Variants in DEPDC5 observed in about 807,000 individuals in gnomAD.
DEPDC5 encodes the protein DEP domain containing 5, GATOR1 subcomplex subunit.
In DEPDC5, 73 loss-of-function variants were observed where a neutral mutation model predicts 217.3. The ratio of observed to expected loss-of-function variants is 0.34; its 90% confidence interval spans 0.28 to 0.41. The LOEUF (loss-of-function observed/expected upper bound fraction) is 0.41. Among genes scored for constraint, DEPDC5 ranks in the 10% least tolerant of loss-of-function variants. The probability of loss-of-function intolerance (pLI) is 1.00; values close to 1 mark genes in which losing one functional copy is unlikely to be tolerated. For missense variants in DEPDC5, 1,675 were observed against 2,070.1 expected (o/e 0.81, Z 3.70); for synonymous variants, 733 against 756.7 (o/e 0.97, Z 0.51).
chr22:31,762,502 G>A (rs1020508356), intron 4 of DEPDC5, among the ~76,000 whole-genome samples: 13 of 152,152 alleles, frequency 8.5e-5, no homozygotes, highest in Admixed American at 5.2e-4. Flanking sequence ...AGTGGCTGAC[G>A]CCTGTAATCC....
At chr22:31,886,553 A>T (rs2093316627) in intron 38 of DEPDC5, among the ~76,000 whole-genome samples, 1 of 151,390 alleles carries the variant, frequency 6.6e-6, no homozygotes, top group Non-Finnish European at 1.5e-5. Flanking sequence ...TGAGGTCAGG[A>T]GTTTGAGACT....
At chr22:31,854,027 A>G (rs2092162933) in intron 31 of DEPDC5, among the ~76,000 whole-genome samples, 1 of 152,046 alleles carries the variant, frequency 6.6e-6, no homozygotes, top group Non-Finnish European at 1.5e-5. Context: ...CCCACCCTTT[A>G]AGGCCCACCC....
At chr22:31,826,579 T>G (rs929950918) in intron 24 of DEPDC5, 1 of 362,280 alleles carries the variant, frequency 2.8e-6, no homozygotes, top group Non-Finnish European at 5.5e-6. Context: ...CAACAATACC[T>G]CTTCTTTGAA....
chr22:31,791,741 A>G (rs765939060), intron 10 of DEPDC5, among the ~76,000 whole-genome samples: 3 of 151,828 alleles, frequency 2.0e-5, no homozygotes, highest in Non-Finnish European at 4.4e-5. Context: ...ATCTTGGCCA[A>G]CATGGTGAAA....
At chr22:31,892,404 C>T (rs1291993053) in intron 38 of DEPDC5, among the ~76,000 whole-genome samples, 1 of 152,218 alleles carries the variant, frequency 6.6e-6, no homozygotes, top group Non-Finnish European at 1.5e-5. Context: ...GTACATCTGG[C>T]CGGGCATGGT....
intron 40 of DEPDC5, among the ~76,000 whole-genome samples, chr22:31,899,023 A>C (rs2149403985): frequency 6.6e-6 from 1 of 152,344 alleles, no homozygotes; most frequent in South Asian, 2.1e-4. Context: ...GAACAGAGAG[A>C]TCTTCCCCCG....
rs949931675 is a variant in DEPDC5 at position 31,805,030 on chromosome 22, G to A, written c.1217+115G>A. The stretch of plus-strand genomic sequence containing the variant: ...GCACTAAACCTTTTGTTAAGAAAAT[G>A]TGGAAACCAAGTTCTAACATTTGCT... On this transcript the variant is annotated intron_variant, in intron 17 of 42. Coordinates refer to ENST00000651528, the MANE Select transcript of DEPDC5 (RefSeq NM_001242896.3). 1.0e-5 allele frequency: 10 copies of A among 995,712 alleles called. No individual in the cohort carries two copies. The African/African-American group carries it at 1.6e-4, about 16-fold the overall frequency. 61.7% of individuals were successfully genotyped at this position (995,712 alleles called of 1,614,324 possible).
Position 31,907,713 on chromosome 22 carries a change from C to G in DEPDC5, c.*1216C>G, listed in dbSNP as rs2093774955. ...CTAACTTAGATTTGCTGAGATAAGA[C>G]TCAGCTTGGTGCTTCACCTCAGCAC... On this transcript the variant is annotated 3_prime_UTR_variant, in exon 43 of 43. Transcript: ENST00000651528. The G allele has an allele frequency of 6.6e-6, 1 of 152,398 alleles. No individual in the cohort carries two copies. Among genetic ancestry groups the G allele is most frequent in the Middle Eastern group, 3.4e-3 (1 of 296 alleles). 9.4% of individuals were successfully genotyped at this position (152,398 alleles called of 1,614,324 possible).
intron 14 of DEPDC5, among the ~76,000 whole-genome samples, chr22:31,801,931 A>C (rs1282014915): frequency 1.3e-5 from 2 of 151,800 alleles, no homozygotes; most frequent in East Asian, 3.9e-4. Context: ...AGAAATAAAA[A>C]GTGACTTGCC....
intron 20 of DEPDC5, among the ~76,000 whole-genome samples, chr22:31,813,006 C>T (rs1007047378): frequency 9.2e-5 from 14 of 152,132 alleles, no homozygotes; most frequent in African/African-American, 3.4e-4. Context: ...TCCAAAAGTG[C>T]TAGGATTATA....
At chr22:31,839,311 G>T (rs1458472696) in intron 27 of DEPDC5, among the ~76,000 whole-genome samples, 1 of 152,140 alleles carries the variant, frequency 6.6e-6, no homozygotes, top group Non-Finnish European at 1.5e-5. Context: ...AGCAAGAATG[G>T]GTCATCTATG....
chr22:31,895,942 C>A (rs572042185), intron 39 of DEPDC5, among the ~76,000 whole-genome samples: 5 of 151,770 alleles, frequency 3.3e-5, no homozygotes, highest in Non-Finnish European at 7.4e-5. Context: ...ACCAGCATGA[C>A]CACTTCTTTC....
Position 31,778,094 on chromosome 22 carries a change from T to C in DEPDC5, c.414-5T>C, listed in dbSNP as rs747277937. On this transcript the variant is annotated splice_polypyrimidine_tract_variant and splice_region_variant and intron_variant, in intron 7 of 42. Coordinates refer to ENST00000651528, the MANE Select transcript of DEPDC5 (RefSeq NM_001242896.3). The stretch of plus-strand genomic sequence containing the variant: ...TTGTAATAACTTGTGTGTGTATTCT[T>C]TCAGAGCACAGGCTGGTGAACTGTG... 1 of 1,614,100 alleles carries C rather than the reference T, an allele frequency of 6.2e-7. No homozygotes were observed. The highest frequency in any genetic ancestry group is 2.2e-5 in the East Asian group (1 of 44,888).
intron 38 of DEPDC5, among the ~76,000 whole-genome samples, chr22:31,890,703 T>A (rs184772116): frequency 9.4e-5 from 14 of 148,958 alleles, no homozygotes; most frequent in African/African-American, 3.0e-4. Context: ...AGTGAGATTC[T>A]GTCTCAAAAA....
chr22:31,790,114 C>T (rs1383628421), intron 10 of DEPDC5, among the ~76,000 whole-genome samples: 1 of 152,110 alleles, frequency 6.6e-6, no homozygotes, highest in East Asian at 1.9e-4. Context: ...TCTTGGACTC[C>T]CGTGAATTAA....
Position 31,797,627 on chromosome 22 carries a change from A to C in DEPDC5, c.795A>C (p.Glu265Asp). The C allele has an allele frequency of 6.2e-7, 1 of 1,613,976 alleles. No individual in the cohort carries two copies. Among genetic ancestry groups the C allele is most frequent in the Non-Finnish European group, 8.5e-7 (1 of 1,179,838 alleles). Reference protein sequence around the residue: ...YKVVVQNERREEWTSLLVTIK... With the variant: ...YKVVVQNERRDEWTSLLVTIK... ...TGGTGGTGCAGAATGAGAGAAGAGA[A>C]GAATGGACTTCACTTCTCGTAACCA... The change falls in exon 13 of 43, where the codon GAA becomes GAC. Residue 265 changes from glutamate (E) to aspartate (D), a missense_variant. By Grantham distance (45) the Glu-to-Asp change is conservative. Around this residue, in one of 11 missense-constraint regions of DEPDC5, gnomAD observed 628 missense variants for 762.1 expected, o/e 0.82. Coordinates refer to ENST00000651528, the MANE Select transcript of DEPDC5 (RefSeq NM_001242896.3).
chr22:31,762,579 C>G (rs2082485480), intron 4 of DEPDC5, among the ~76,000 whole-genome samples: 1 of 152,154 alleles, frequency 6.6e-6, no homozygotes, highest in South Asian at 2.1e-4. Flanking sequence ...GCCTGACCAA[C>G]ATGGTAAAAC....
At chr22:31,812,688 T>A (rs2088555740) in intron 20 of DEPDC5, among the ~76,000 whole-genome samples, 1 of 147,060 alleles carries the variant, frequency 6.8e-6, no homozygotes, top group African/African-American at 2.5e-5. Context: ...CCTCCCAAAG[T>A]GGTGGGATTA....
At chr22:31,902,037 G>A (rs1015091086) in intron 41 of DEPDC5, among the ~76,000 whole-genome samples, 3 of 152,078 alleles carry the variant, frequency 2.0e-5, no homozygotes, top group Non-Finnish European at 4.4e-5. Context: ...TCTTCCAGTT[G>A]AGTGGAGAAC....
Sources: gnomAD v4.1 joint callset for allele counts (sites outside exome capture counted in the v4.1 genomes callset) on GRCh38, gnomAD v4.1.1 for gene constraint, gnomAD v4.1.1 regional missense constraint, MANE v1.5 for transcripts, NCBI Gene and HGNC (gene_info 2026-07-23, HGNC 2026-07-21) for gene names.